Variants in TSPAN9 observed in about 807,000 individuals in gnomAD.
TSPAN9 encodes tetraspanin-9.
A neutral mutation model predicts 31.0 loss-of-function variants in TSPAN9; 16 were observed. That is an observed-to-expected ratio of 0.52 (90% CI 0.35 to 0.78). TSPAN9 has a LOEUF of 0.78. Ranked by LOEUF, TSPAN9 falls within the 30% of genes least tolerant of loss-of-function variation. TSPAN9 has a pLI of 0.01. For synonymous variants in TSPAN9, 145 were observed against 121.6 expected (o/e 1.19, Z -1.27); for missense variants, 272 against 312.5 (o/e 0.87, Z 0.98).
At chr12:3,274,809 C>G (rs1226887788) in intron 3 of TSPAN9, among the ~76,000 whole-genome samples, 1 of 152,262 alleles carries the variant, frequency 6.6e-6, no homozygotes, top group Admixed American at 6.5e-5. Flanking sequence ...ATGTGCGTGG[C>G]ACCCGCTGTA....
chr12:3,149,150 C>T (rs2153968425), intron 2 of TSPAN9, among the ~76,000 whole-genome samples: 1 of 152,318 alleles, frequency 6.6e-6, no homozygotes, highest in East Asian at 1.9e-4. Context: ...CACTTCTTAG[C>T]TTTGCTGTAG....
rs1263236346 is a variant in TSPAN9 at position 3,280,863 on chromosome 12, G to A, written c.433-335G>A. 6.6e-6 allele frequency among the ~76,000 whole-genome samples: 1 copy of A among 152,186 alleles called. No individual in the cohort carries two copies. Among genetic ancestry groups the A allele is most frequent in the Non-Finnish European group, 1.5e-5 (1 of 68,040 alleles). The stretch of plus-strand genomic sequence containing the variant: ...CCATTTTAAGCCCTGGGGAGGGGCC[G>A]GCAGGGGGTTGGGTGGCAGTCAGCT... On this transcript the variant is annotated intron_variant, in intron 6 of 8. Coordinates refer to ENST00000011898, the MANE Select transcript of TSPAN9 (RefSeq NM_006675.5). The surrounding 1 kb of genome is among the most constrained non-coding windows in gnomAD (Gnocchi z 4.5).
chr12:3,087,953 A>G (rs1458668804), intron 2 of TSPAN9, among the ~76,000 whole-genome samples: 7 of 152,204 alleles, frequency 4.6e-5, no homozygotes, highest in Non-Finnish European at 8.8e-5. Flanking sequence ...TTAGGGGCCC[A>G]AAGCTCTCCG....
chr12:3,223,314 C>T (rs988875113), intron 3 of TSPAN9, among the ~76,000 whole-genome samples: 2 of 152,272 alleles, frequency 1.3e-5, no homozygotes, highest in Admixed American at 6.5e-5. Context: ...CACAGCTCAC[C>T]GCCAAGGCCT....
chr12:3,265,433 GTTA>G (rs978899455), intron 3 of TSPAN9, among the ~76,000 whole-genome samples: 15 of 152,312 alleles, frequency 9.8e-5, no homozygotes, highest in Middle Eastern at 6.8e-3. Flanking sequence ...GCAAAGCATT[GTTA>G]TTATTTCCAT....
intron 3 of TSPAN9, among the ~76,000 whole-genome samples, chr12:3,216,984 C>T (rs1335485692): frequency 6.6e-6 from 1 of 152,234 alleles, no homozygotes; most frequent in Non-Finnish European, 1.5e-5. Context: ...GGCCCCTGAA[C>T]TGCAGTTGGA....
At chr12:3,226,528 T>A (rs2098387208) in intron 3 of TSPAN9, among the ~76,000 whole-genome samples, 1 of 150,850 alleles carries the variant, frequency 6.6e-6, no homozygotes, top group Admixed American at 6.6e-5. Flanking sequence ...TAAGCCTCTG[T>A]AGGTGTGCTT....
intron 2 of TSPAN9, among the ~76,000 whole-genome samples, chr12:3,138,443 G>A (rs972916351): frequency 2.0e-5 from 3 of 151,716 alleles, no homozygotes; most frequent in Admixed American, 6.6e-5. Context: ...CTGTCTCCTC[G>A]CTGGGCTCTC....
At chr12:3,135,816 C>T (rs746020354) in intron 2 of TSPAN9, among the ~76,000 whole-genome samples, 1 of 152,236 alleles carries the variant, frequency 6.6e-6, no homozygotes, top group East Asian at 1.9e-4. Flanking sequence ...CGAGGCAGCC[C>T]TCTCAGACGT....
At chr12:3,269,038 C>G (rs112586941) in intron 3 of TSPAN9, among the ~76,000 whole-genome samples, 1 of 61,862 alleles carries the variant, frequency 1.6e-5, no homozygotes. Flanking sequence ...CCTGCCCTCC[C>G]TGTGTTCCTG....
At chr12:3,231,895 G>T (rs1591693700) in intron 3 of TSPAN9, among the ~76,000 whole-genome samples, 1 of 152,220 alleles carries the variant, frequency 6.6e-6, no homozygotes, top group South Asian at 2.1e-4. Flanking sequence ...CCTGTGCCTG[G>T]GCCTGGCTCT....
At chr12:3,124,304 A>T (rs1277327235) in intron 2 of TSPAN9, among the ~76,000 whole-genome samples, 1 of 152,180 alleles carries the variant, frequency 6.6e-6, no homozygotes, top group African/African-American at 2.4e-5. Flanking sequence ...ATTCATTCAT[A>T]ATTCTGTTCT....
At chr12:3,264,192 G>A (rs1334398956) in intron 3 of TSPAN9, among the ~76,000 whole-genome samples, 2 of 152,082 alleles carry the variant, frequency 1.3e-5, no homozygotes, top group Non-Finnish European at 2.9e-5. Context: ...AGGGAGGCAG[G>A]TGACCTCCCA....
chr12:3,145,164 C>T lies in TSPAN9; in HGVS notation c.-17-56013C>T, dbSNP rs562365892. 4.5e-4 allele frequency among the ~76,000 whole-genome samples: 69 copies of T among 152,270 alleles called. 1 individual carries two copies. In the South Asian group the frequency reaches 0.014, roughly 30 times the overall value. ...CCTCGGCGTCCTCTGGTGGATGACG[C>T]GTTTGTCAACTGCTTGGACCGTGAG... On this transcript the variant is annotated intron_variant, in intron 2 of 8. Transcript: ENST00000011898.
intron 3 of TSPAN9, among the ~76,000 whole-genome samples, chr12:3,243,014 T>C (rs1171546495): frequency 6.6e-6 from 1 of 152,180 alleles, no homozygotes; most frequent in African/African-American, 2.4e-5. Flanking sequence ...TCCTAACCAG[T>C]CTCTGAATCA....
chr12:3,216,238 T>C (rs3825360), intron 3 of TSPAN9, among the ~76,000 whole-genome samples: 14,999 of 152,202 alleles, frequency 0.099, 787 homozygotes, highest in Middle Eastern at 0.15. Flanking sequence ...TATCTGCCTG[T>C]GGGGCTCTCA....
chr12:3,184,417 AAGAG>A (rs370432779), intron 2 of TSPAN9, among the ~76,000 whole-genome samples: 43 of 151,550 alleles, frequency 2.8e-4, no homozygotes, highest in African/African-American at 1.0e-3. Context: ...AAAAGAAAGA[AAGAG>A]AAAGAGAGAG....
intron 2 of TSPAN9, among the ~76,000 whole-genome samples, chr12:3,197,142 G>T (rs1244443488): frequency 6.6e-6 from 1 of 152,180 alleles, no homozygotes; most frequent in Non-Finnish European, 1.5e-5. Flanking sequence ...AGAGGAAACG[G>T]GAGCTCAGAA....
chr12:3,168,476 A>T lies in TSPAN9; in HGVS notation c.-17-32701A>T, dbSNP rs1358597809. On this transcript the variant is annotated intron_variant, in intron 2 of 8. Coordinates refer to ENST00000011898, the MANE Select transcript of TSPAN9 (RefSeq NM_006675.5). This position sits in a 1 kb window ranked among gnomAD's most constrained non-coding sequence, Gnocchi z 4.0. The stretch of plus-strand genomic sequence containing the variant: ...ACAGGACAGAATGAATTCAGGACAG[A>T]GTCTAAGAAGAGGCTGCAAGGGGTA... Among the ~76,000 whole-genome samples the T allele has an allele frequency of 6.6e-6, 1 of 152,194 alleles. No homozygotes were observed. The highest frequency in any genetic ancestry group is 6.5e-5 in the Admixed American group (1 of 15,284).
Sources: allele counts gnomAD v4.1 joint callset (sites outside exome capture counted in the v4.1 genomes callset), GRCh38; gene constraint gnomAD v4.1.1; non-coding constraint Gnocchi (gnomAD v3.1); transcripts MANE v1.5; gene names NCBI Gene and HGNC (gene_info 2026-07-23, HGNC 2026-07-21).